The following DLGAP2 variants were observed in gnomAD, a reference collection of about 807,000 sequenced individuals.
DLGAP2 encodes disks large-associated protein 2.
In DLGAP2, 26 loss-of-function variants were observed where a neutral mutation model predicts 100.3. That is an observed-to-expected ratio of 0.26 (90% CI 0.19 to 0.36). The LOEUF is 0.36. Ranked by LOEUF, DLGAP2 falls within the 10% of genes least tolerant of loss-of-function variation. The pLI is 1.00. For missense variants in DLGAP2, 1,858 were observed against 1,453.2 expected (o/e 1.28, Z -4.53); for synonymous variants, 886 against 630.1 (o/e 1.41, Z -6.08).
intron 2 of DLGAP2, among the ~76,000 whole-genome samples, chr8:1,249,741 A>G (rs952419283): frequency 2.6e-5 from 4 of 152,152 alleles, no homozygotes; most frequent in African/African-American, 4.8e-5. Context: ...AAAATAAACT[A>G]TTGATTATTC....
At chr8:1,149,148 CT>C (rs34944345) in intron 2 of DLGAP2, among the ~76,000 whole-genome samples, 64,527 of 150,178 alleles carry the variant, frequency 0.43, 15,319 homozygotes, top group Non-Finnish European at 0.55. Context: ...GAATTACCCT[CT>C]TTTTTTTTTG....
chr8:1,684,242 T>C (rs1799054370), intron 12 of DLGAP2, among the ~76,000 whole-genome samples: 1 of 151,880 alleles, frequency 6.6e-6, no homozygotes, highest in Non-Finnish European at 1.5e-5. Context: ...TTTTCTTAAT[T>C]TCTTAAATTG....
At chr8:1,685,841 C>T (rs1024917510) in intron 12 of DLGAP2, among the ~76,000 whole-genome samples, 2 of 152,116 alleles carry the variant, frequency 1.3e-5, no homozygotes, top group South Asian at 4.1e-4. Flanking sequence ...CCACCACTAA[C>T]CATCAGGAAA....
chr8:747,554 GC>G (rs1820656410), intron 1 of DLGAP2, among the ~76,000 whole-genome samples: 1 of 145,180 alleles, frequency 6.9e-6, no homozygotes, highest in Non-Finnish European at 1.5e-5. Flanking sequence ...GGGGCGCAGG[GC>G]GGGGGTGGGG....
chr8:1,296,412 T>C (rs1563067222), intron 3 of DLGAP2, among the ~76,000 whole-genome samples: 7 of 152,262 alleles, frequency 4.6e-5, no homozygotes, highest in Admixed American at 2.6e-4. Context: ...AAACAAAATA[T>C]GTCATGATTA....
chr8:1,567,743 C>G (rs1802460957), intron 6 of DLGAP2, among the ~76,000 whole-genome samples: 2 of 152,184 alleles, frequency 1.3e-5, no homozygotes. Context: ...AAAACTCACA[C>G]CATCACCCAA....
chr8:1,113,848 C>T (rs1286601965), intron 2 of DLGAP2, among the ~76,000 whole-genome samples: 1 of 152,088 alleles, frequency 6.6e-6, no homozygotes, highest in Non-Finnish European at 1.5e-5. Flanking sequence ...ATAGATGGCT[C>T]TTAATATTTT....
intron 5 of DLGAP2, among the ~76,000 whole-genome samples, chr8:1,563,776 G>T (rs1287515688): frequency 3.9e-5 from 6 of 152,100 alleles, no homozygotes; most frequent in Non-Finnish European, 8.8e-5. Context: ...ATGAATACAG[G>T]GGCCTTCAGC....
At chr8:743,801 G>A (rs76879272) in intron 1 of DLGAP2, among the ~76,000 whole-genome samples, 1,728 of 152,332 alleles carry the variant, frequency 0.011, 43 homozygotes, top group African/African-American at 0.04. Flanking sequence ...CTGGGCTCTA[G>A]CCATCAGCCT....
intron 2 of DLGAP2, among the ~76,000 whole-genome samples, chr8:1,125,540 C>T (rs916682464): frequency 6.6e-6 from 1 of 152,132 alleles, no homozygotes; most frequent in East Asian, 1.9e-4. Flanking sequence ...GAAAACAACT[C>T]AACTCTTAAA....
At chr8:1,345,136 G>C (rs972974077) in intron 3 of DLGAP2, among the ~76,000 whole-genome samples, 2 of 116,470 alleles carry the variant, frequency 1.7e-5, no homozygotes, top group African/African-American at 5.8e-5. Flanking sequence ...ATTCGGTTTT[G>C]GTACAGTGTT....
chr8:1,565,745 G>T lies in DLGAP2; in HGVS notation c.1293G>T (p.Arg431Ser), dbSNP rs1802371889. The stretch of plus-strand genomic sequence containing the variant: ...GCAAAGATGAGGAGATTCCCTGCAG[G>T]AGAATGAGAAGTGGGAGTTACATTA... ...TGGKDEEIPC[R>S]RMRSGSYIKA... The change falls in exon 6 of 15, where the codon AGG (arginine) becomes AGT (serine). Residue 431 changes from arginine to serine, a missense_variant. Transcript: ENST00000637795. 1 of 1,613,706 alleles carries T rather than the reference G, an allele frequency of 6.2e-7. No individual in the cohort carries two copies. The highest frequency in any genetic ancestry group is 1.7e-5 in the Admixed American group (1 of 59,966).
intron 2 of DLGAP2, among the ~76,000 whole-genome samples, chr8:1,188,295 A>T: frequency 7.8e-6 from 1 of 127,778 alleles, no homozygotes; most frequent in Non-Finnish European, 1.6e-5. Flanking sequence ...GCCTCACAGA[A>T]TCTCACACGC....
intron 2 of DLGAP2, among the ~76,000 whole-genome samples, chr8:1,095,693 C>G (rs527411834): frequency 1.3e-3 from 199 of 152,288 alleles, no homozygotes; most frequent in African/African-American, 4.7e-3. Context: ...AGGTCCCAGG[C>G]CAAAACAGTC....
chr8:1,353,010 C>T (rs769451874), intron 3 of DLGAP2, among the ~76,000 whole-genome samples: 8 of 152,140 alleles, frequency 5.3e-5, no homozygotes, highest in Non-Finnish European at 2.9e-5. Flanking sequence ...TTGACTCAGC[C>T]GAAGGGAGAA....
chr8:870,214 C>T (rs768913212), intron 1 of DLGAP2, among the ~76,000 whole-genome samples: 16 of 152,112 alleles, frequency 1.1e-4, no homozygotes, highest in Admixed American at 3.3e-4. Flanking sequence ...GTTTTCTCGC[C>T]GATATTTCTC....
intron 5 of DLGAP2, among the ~76,000 whole-genome samples, chr8:1,554,421 G>A (rs1019275866): frequency 1.1e-4 from 17 of 152,130 alleles, no homozygotes; most frequent in Non-Finnish European, 5.9e-5. Context: ...GGGTGTGGTG[G>A]CCTGGGACAG....
intron 4 of DLGAP2, 54 bp from the exon 5 acceptor site, chr8:1,548,572 T>G: frequency 2.0e-5 from 28 of 1,422,926 alleles, no homozygotes; most frequent in African/African-American, 2.9e-5. Flanking sequence ...TCCCCGCACC[T>G]GAGGGTTTCC....
At chr8:1,628,860 G>C (rs1419422476) in intron 7 of DLGAP2, among the ~76,000 whole-genome samples, 1 of 152,232 alleles carries the variant, frequency 6.6e-6, no homozygotes, top group Non-Finnish European at 1.5e-5. Flanking sequence ...CTGGGCTTCT[G>C]GGCCAAGGCC....
Sources: gnomAD v4.1 joint callset for allele counts (sites outside exome capture counted in the v4.1 genomes callset) on GRCh38, gnomAD v4.1.1 for gene constraint, MANE v1.5 for transcripts, NCBI Gene and HGNC (gene_info 2026-07-23, HGNC 2026-07-21) for gene names.